The following CNTNAP5 variants were observed in gnomAD, a reference collection of about 807,000 sequenced individuals.
CNTNAP5 encodes contactin-associated protein-like 5.
Under a neutral mutation model 150.2 loss-of-function variants are expected in CNTNAP5, and 72 were observed. The ratio of observed to expected loss-of-function variants is 0.48; its 90% CI spans 0.40 to 0.58. The LOEUF is 0.58. CNTNAP5 is among the 20% of genes least tolerant of loss of function. The pLI, the probability that CNTNAP5 is intolerant of heterozygous loss-of-function variation, is 0.00. For synonymous variants in CNTNAP5, 672 were observed against 619.8 expected (o/e 1.08, Z -1.25); for missense variants, 1,636 against 1,626.2 (o/e 1.01, Z -0.10).
At chr2:124,400,733 AG>A (rs774381631) in intron 3 of CNTNAP5, among the ~76,000 whole-genome samples, 298 of 143,348 alleles carry the variant, frequency 2.1e-3, no homozygotes, top group Admixed American at 6.2e-3. Context: ...TTTTGCTAAG[AG>A]GGTATTTCAG....
intron 13 of CNTNAP5, among the ~76,000 whole-genome samples, chr2:124,700,655 G>T (rs1411220392): frequency 6.6e-6 from 1 of 151,964 alleles, no homozygotes; most frequent in African/African-American, 2.4e-5. Context: ...TATTTAAATT[G>T]CATTACTTTT....
chr2:124,033,926 A>AG (rs1681134147), intron 1 of CNTNAP5, among the ~76,000 whole-genome samples: 1 of 152,206 alleles, frequency 6.6e-6, no homozygotes, highest in Non-Finnish European at 1.5e-5. Flanking sequence ...AGAAAAAAAA[A>AG]AAAGTGTGTG....
intron 14 of CNTNAP5, among the ~76,000 whole-genome samples, chr2:124,750,549 G>A (rs1405168438): frequency 6.6e-6 from 1 of 152,284 alleles, no homozygotes; most frequent in Admixed American, 6.5e-5. Flanking sequence ...AGTGCCTACT[G>A]TGTGCCAGAC....
chr2:124,276,567 T>G (rs1687887880), intron 3 of CNTNAP5, among the ~76,000 whole-genome samples: 1 of 152,134 alleles, frequency 6.6e-6, no homozygotes, highest in Non-Finnish European at 1.5e-5. Context: ...GTGGACATAT[T>G]TGGGCCCAAC....
chr2:124,395,538 C>T (rs572037061), intron 3 of CNTNAP5, among the ~76,000 whole-genome samples: 4 of 152,116 alleles, frequency 2.6e-5, no homozygotes, highest in Non-Finnish European at 5.9e-5. Context: ...ATAAAGGAGT[C>T]AGTAGTTGAC....
At chr2:124,661,745 T>G (rs1678596760) in intron 13 of CNTNAP5, among the ~76,000 whole-genome samples, 1 of 152,202 alleles carries the variant, frequency 6.6e-6, no homozygotes, top group African/African-American at 2.4e-5. Flanking sequence ...TACACCAGTA[T>G]GTACACATTA....
At chr2:124,214,954 T>G (rs1211578676) in intron 1 of CNTNAP5, among the ~76,000 whole-genome samples, 1 of 152,142 alleles carries the variant, frequency 6.6e-6, no homozygotes, top group African/African-American at 2.4e-5. Context: ...AATTATGAAG[T>G]AATGTATCTT....
chr2:124,800,013 C>T (rs1239010196), intron 19 of CNTNAP5, among the ~76,000 whole-genome samples: 1 of 152,172 alleles, frequency 6.6e-6, no homozygotes, highest in Non-Finnish European at 1.5e-5. Context: ...CATAGCAGGT[C>T]TTAGACTCTG....
At chr2:124,765,933 G>A (rs1018908533) in intron 16 of CNTNAP5, among the ~76,000 whole-genome samples, 1 of 151,758 alleles carries the variant, frequency 6.6e-6, no homozygotes, top group African/African-American at 2.4e-5. Flanking sequence ...CCCAGCCTGG[G>A]TAACAAGAGT....
rs1558746794 is a variant in CNTNAP5, at chr2:124,713,293, CTTT to C, written c.2078-33935_2078-33933del. Among the ~76,000 whole-genome samples the C allele has an allele frequency of 6.3e-4, 62 of 99,068 alleles. 1 individual carries two copies. Among genetic ancestry groups the C allele is most frequent in the African/African-American group, 9.0e-4 (25 of 27,664 alleles). The allele number at this position is 99,068 out of a possible 152,430, so 65.0% of individuals were successfully genotyped here. A position where few individuals can be genotyped will look rare whatever the true frequency, so the allele number is the denominator to read the frequency against. On this transcript the variant is annotated intron_variant, in intron 13 of 23. Transcript: ENST00000682447. ...TCTTTCTTTCTTTCTTTCTTTCTTT[CTTT>C]CTTTCTTCTTTCTCTTTCTTTCCTT...
intron 1 of CNTNAP5, among the ~76,000 whole-genome samples, chr2:124,028,368 G>A (rs1680955914): frequency 6.6e-6 from 1 of 151,744 alleles, no homozygotes; most frequent in Non-Finnish European, 1.5e-5. Flanking sequence ...CCGAAACCTG[G>A]GCTTTTAACT....
chr2:124,878,069 GT>G (rs1677896435), intron 21 of CNTNAP5, among the ~76,000 whole-genome samples: 1 of 152,076 alleles, frequency 6.6e-6, no homozygotes. Flanking sequence ...TCCTGCCACA[GT>G]TTGGTTTTTA....
At chr2:124,056,755 G>T (rs951135092) in intron 1 of CNTNAP5, among the ~76,000 whole-genome samples, 1 of 152,174 alleles carries the variant, frequency 6.6e-6, no homozygotes, top group African/African-American at 2.4e-5. Context: ...GAATGTGGAG[G>T]TCACTGGACA....
chr2:124,754,441 C>T (rs1047677920), intron 14 of CNTNAP5, among the ~76,000 whole-genome samples: 1 of 152,106 alleles, frequency 6.6e-6, no homozygotes, highest in African/African-American at 2.4e-5. Flanking sequence ...ACACATCTTG[C>T]AAACTAATCA....
chr2:124,580,809 G>T (rs968572397), intron 11 of CNTNAP5, among the ~76,000 whole-genome samples: 2 of 152,194 alleles, frequency 1.3e-5, no homozygotes, highest in African/African-American at 4.8e-5. Context: ...GGAGTGATTT[G>T]CATGACAGTA....
At chr2:124,590,518 A>C (rs1384662108) in intron 11 of CNTNAP5, among the ~76,000 whole-genome samples, 1 of 152,226 alleles carries the variant, frequency 6.6e-6, no homozygotes, top group African/African-American at 2.4e-5. Context: ...AAATAAGGCC[A>C]AGGCAAAGTC....
At chr2:124,234,376 C>T (rs1289423276) in intron 2 of CNTNAP5, among the ~76,000 whole-genome samples, 1 of 152,110 alleles carries the variant, frequency 6.6e-6, no homozygotes, top group Non-Finnish European at 1.5e-5. Flanking sequence ...TGTAAGTGTG[C>T]TATGCAAGGT....
At chr2:124,239,557 T>C (rs761257285) in intron 2 of CNTNAP5, among the ~76,000 whole-genome samples, 59 of 152,142 alleles carry the variant, frequency 3.9e-4, no homozygotes, top group Non-Finnish European at 7.6e-4. Context: ...GAAGAAAATG[T>C]TGATAAGGGA....
At chr2:124,403,476 C>T (rs1691483579) in intron 3 of CNTNAP5, among the ~76,000 whole-genome samples, 1 of 152,110 alleles carries the variant, frequency 6.6e-6, no homozygotes, top group African/African-American at 2.4e-5. Flanking sequence ...CATTCATTCA[C>T]CCAGTTATTC....
Sources: gnomAD v4.1 joint callset for allele counts (sites outside exome capture counted in the v4.1 genomes callset) on GRCh38, gnomAD v4.1.1 for gene constraint, MANE v1.5 for transcripts, NCBI Gene and HGNC (gene_info 2026-07-23, HGNC 2026-07-21) for gene names.